The following DSCAM variants were observed in gnomAD, a reference collection of about 807,000 sequenced individuals.
DSCAM encodes DS cell adhesion molecule.
Under a neutral mutation model 217.7 loss-of-function variants are expected in DSCAM, and 47 were observed. That is an observed-to-expected ratio of 0.22 (90% confidence interval 0.17 to 0.28). DSCAM has a LOEUF of 0.28. Among genes scored for constraint, DSCAM ranks in the 10% least tolerant of loss-of-function variants. DSCAM has a pLI of 1.00. For missense variants in DSCAM, 2,080 were observed against 2,618.3 expected (o/e 0.79, Z 4.49); for synonymous variants, 1,056 against 1,015.3 (o/e 1.04, Z -0.76).
intron 11 of DSCAM, among the ~76,000 whole-genome samples, chr21:40,266,809 C>G (rs1401780009): frequency 8.0e-6 from 1 of 125,124 alleles, no homozygotes; most frequent in African/African-American, 3.2e-5. Flanking sequence ...TACACACACA[C>G]ACACCCCCAC....
rs1441957404 is a variant in DSCAM, at chr21:40,369,204, T to C, written c.550A>G (p.Lys184Glu). The change falls in exon 4 of 33, where the codon AAA becomes GAA. Residue 184 changes from lysine (K) to glutamate (E), a missense_variant. Transcript: ENST00000400454. Reference sequence around the variant, plus strand: ...AATCCATCTTCATTCTGTACATCTTTAATATACAAGGCTCCCGTGGATGTG... The same window carrying C: ...AATCCATCTTCATTCTGTACATCTTCAATATACAAGGCTCCCGTGGATGTG... ...LITSTGALYI[K>E]DVQNEDGLYN... 1 of 1,612,282 alleles carries C rather than the reference T, an allele frequency of 6.2e-7. No individual in the cohort carries two copies. The highest frequency in any genetic ancestry group is 8.5e-7 in the Non-Finnish European group (1 of 1,179,274).
At chr21:40,148,324 A>C (rs1247765690) in intron 16 of DSCAM, among the ~76,000 whole-genome samples, 1 of 152,146 alleles carries the variant, frequency 6.6e-6, no homozygotes, top group African/African-American at 2.4e-5. Flanking sequence ...CAGGTCCCCA[A>C]ACTATAAGGT....
chr21:40,197,270 A>G (rs1002317981), intron 11 of DSCAM, among the ~76,000 whole-genome samples: 2 of 151,884 alleles, frequency 1.3e-5, no homozygotes, highest in Non-Finnish European at 2.9e-5. Context: ...AGGCGCCCAC[A>G]ACCACGCCCA....
rs564844818 is a variant in DSCAM, at chr21:40,030,970, T to C, written c.5686+11401A>G. ...TCCTGCCACTGTGTTCAAGAGGCCA[T>C]CCCCTGTACCTCTGACCTTGTCCGG... is the stretch of plus-strand genomic sequence containing the variant. On this transcript the variant is annotated intron_variant, in intron 32 of 32. Coordinates refer to ENST00000400454, the MANE Select transcript of DSCAM (RefSeq NM_001389.5). 2.0e-5 allele frequency among the ~76,000 whole-genome samples: 3 copies of C among 152,254 alleles called. No individual in the cohort carries two copies. The South Asian group carries it at 6.2e-4, about 32-fold the overall frequency.
chr21:40,735,446 G>A (rs914414262), intron 1 of DSCAM, among the ~76,000 whole-genome samples: 2 of 152,178 alleles, frequency 1.3e-5, no homozygotes, highest in Admixed American at 6.5e-5. Flanking sequence ...AAAGCAAGTT[G>A]GCTATAGGTG....
chr21:40,437,231 G>A (rs2145906889), intron 3 of DSCAM, among the ~76,000 whole-genome samples: 1 of 152,216 alleles, frequency 6.6e-6, no homozygotes, highest in South Asian at 2.1e-4. Flanking sequence ...CACTGTTTGG[G>A]TCACATTCAG....
chr21:40,469,020 C>A (rs2075867146), intron 3 of DSCAM, among the ~76,000 whole-genome samples: 1 of 151,982 alleles, frequency 6.6e-6, no homozygotes, highest in Non-Finnish European at 1.5e-5. Flanking sequence ...CACACTACAG[C>A]CACACACACC....
chr21:40,176,460 T>C (rs1449642363), intron 15 of DSCAM, among the ~76,000 whole-genome samples: 1 of 152,148 alleles, frequency 6.6e-6, no homozygotes, highest in Non-Finnish European at 1.5e-5. Flanking sequence ...CTACAGCTCC[T>C]AAAAAGATGT....
chr21:40,425,539 C>G (rs558021016), intron 3 of DSCAM, among the ~76,000 whole-genome samples: 1 of 144,978 alleles, frequency 6.9e-6, no homozygotes, highest in East Asian at 2.0e-4. Context: ...TTACCCCCCC[C>G]TAAAAAAAAA....
intron 3 of DSCAM, among the ~76,000 whole-genome samples, chr21:40,524,845 C>G (rs1205338193): frequency 6.6e-6 from 1 of 151,652 alleles, no homozygotes; most frequent in Non-Finnish European, 1.5e-5. Context: ...CCTGTCTCTA[C>G]TAAAAAATAC....
chr21:40,074,050 T>C (rs768775178), intron 27 of DSCAM, among the ~76,000 whole-genome samples: 44 of 152,346 alleles, frequency 2.9e-4, no homozygotes, highest in Admixed American at 7.2e-4. Context: ...TTTGGATAAG[T>C]GAAGACAGGT....
intron 3 of DSCAM, among the ~76,000 whole-genome samples, chr21:40,616,920 G>A (rs922452549): frequency 1.3e-5 from 2 of 149,212 alleles, no homozygotes; most frequent in African/African-American, 4.9e-5. Context: ...GGGAGGCTGA[G>A]GCAGGAGAGT....
intron 3 of DSCAM, among the ~76,000 whole-genome samples, chr21:40,479,227 G>C (rs978355967): frequency 6.6e-6 from 1 of 152,114 alleles, no homozygotes; most frequent in Non-Finnish European, 1.5e-5. Context: ...AGATGAAAAA[G>C]CCACTCACCA....
intron 3 of DSCAM, among the ~76,000 whole-genome samples, chr21:40,651,363 T>C (rs1189287768): frequency 3.9e-5 from 6 of 152,226 alleles, no homozygotes; most frequent in Non-Finnish European, 7.3e-5. Flanking sequence ...ATATTTCTTA[T>C]GAGCCATCTA....
At position 40,777,943 on chromosome 21, in the gene DSCAM, C is replaced by T. The variant is rs1231695975; in HGVS notation, c.43+68676G>A. ...AAAAAGGAAACAATTTAAATGACTT[C>T]AGACTTTCCAACAGCACTAATGAAA... On this transcript the variant is annotated intron_variant, in intron 1 of 32. Coordinates refer to ENST00000400454, the MANE Select transcript of DSCAM (RefSeq NM_001389.5). Among the ~76,000 whole-genome samples the T allele has an allele frequency of 2.6e-5, 4 of 152,078 alleles. No individual in the cohort carries two copies. The East Asian group carries it at 7.7e-4, about 29-fold the overall frequency.
intron 26 of DSCAM, among the ~76,000 whole-genome samples, chr21:40,076,163 G>A (rs1208747186): frequency 3.3e-5 from 5 of 152,146 alleles, no homozygotes; most frequent in Non-Finnish European, 5.9e-5. Flanking sequence ...TGGAATCCTC[G>A]TTCCTCTGTG....
intron 1 of DSCAM, among the ~76,000 whole-genome samples, chr21:40,834,850 G>T (rs1047647861): frequency 2.6e-5 from 4 of 152,336 alleles, no homozygotes; most frequent in Admixed American, 6.5e-5. Context: ...TCTAATATTT[G>T]CTCCCAGTTT....
In DSCAM at chr21:40,623,092, C is replaced by T. The variant is rs115804172; in HGVS notation, c.508+69718G>A. ...ATAATTAATTGAAGTAAAATGACTC[C>T]TGTCCAGCAGAATGGATGTGAGATG... is the stretch of plus-strand genomic sequence containing the variant. On this transcript the variant is annotated intron_variant, in intron 3 of 32. Transcript: ENST00000400454. Among the ~76,000 whole-genome samples, 1,274 of 152,244 alleles carry T rather than the reference C, an allele frequency of 8.4e-3. 12 individuals carry two copies. Among genetic ancestry groups the T allele is most frequent in the African/African-American group, 0.028 (1,174 of 41,536 alleles).
chr21:40,406,027 G>T (rs1445131824), intron 3 of DSCAM, among the ~76,000 whole-genome samples: 1 of 152,084 alleles, frequency 6.6e-6, no homozygotes. Flanking sequence ...ATATATAAAT[G>T]GCCAAGGGGT....
Sources: gnomAD v4.1 joint callset for allele counts (sites outside exome capture counted in the v4.1 genomes callset) on GRCh38, gnomAD v4.1.1 for gene constraint, MANE v1.5 for transcripts, NCBI Gene and HGNC (gene_info 2026-07-23, HGNC 2026-07-21) for gene names.